Variants in SHROOM3 observed in about 807,000 individuals in gnomAD.
SHROOM3 encodes shroom family member 3.
SHROOM3 carries 47 observed loss-of-function variants against 138.6 expected under a neutral mutation model. That is an observed-to-expected ratio of 0.34 (90% CI 0.27 to 0.43). The LOEUF is 0.43. SHROOM3 is among the 20% of genes least tolerant of loss of function. SHROOM3 has a pLI of 1.00. For missense variants in SHROOM3, 2,491 were observed against 2,596.5 expected, an observed-to-expected ratio of 0.96 and a Z score of 0.88; for synonymous variants, 1,062 against 1,063.3, an observed-to-expected ratio of 1.00 and a Z score of 0.02.
intron 2 of SHROOM3, among the ~76,000 whole-genome samples, chr4:76,596,251 A>G (rs960029695): frequency 2.0e-5 from 3 of 152,148 alleles, no homozygotes; most frequent in African/African-American, 7.2e-5. Context: ...ACATTTTCAT[A>G]TGAAAAAATA....
rs1036305031 is a variant in SHROOM3 at position 76,664,911 on chromosome 4, T to C, written c.324-45245T>C. ...TTTGCCTGTAATCCTAGCACTTTGGTAGGCCGAGGTGGGCAGATCACTTGA... is the reference window on the plus strand; with the variant it reads ...TTTGCCTGTAATCCTAGCACTTTGGCAGGCCGAGGTGGGCAGATCACTTGA... On this transcript the variant is annotated intron_variant, in intron 2 of 10. Coordinates refer to ENST00000296043, the MANE Select transcript of SHROOM3 (RefSeq NM_020859.4). This position sits in a 1 kb window ranked among gnomAD's most constrained non-coding sequence, Gnocchi z 4.2. Among the ~76,000 whole-genome samples the C allele has an allele frequency of 2.6e-5, 4 of 151,998 alleles. No individual in the cohort carries two copies. Among genetic ancestry groups the C allele is most frequent in the African/African-American group, 9.7e-5 (4 of 41,390 alleles).
At chr4:76,558,100 A>G (rs1306967195) in intron 2 of SHROOM3, among the ~76,000 whole-genome samples, 7 of 152,218 alleles carry the variant, frequency 4.6e-5, no homozygotes, top group African/African-American at 1.7e-4. Context: ...ATGTGTTTCA[A>G]CATGACTGTG....
chr4:76,557,791 A>G (rs1733517707), intron 2 of SHROOM3, among the ~76,000 whole-genome samples: 1 of 152,344 alleles, frequency 6.6e-6, no homozygotes, highest in South Asian at 2.1e-4. Flanking sequence ...TGGAAAGATT[A>G]GATGAAACAC....
chr4:76,689,595 C>A, intron 2 of SHROOM3: 1 of 985,084 alleles, frequency 1.0e-6, no homozygotes, highest in Middle Eastern at 5.2e-4. Context: ...TGGGCCCCGC[C>A]GGCGATGCCG....
intron 2 of SHROOM3, among the ~76,000 whole-genome samples, chr4:76,584,795 G>A (rs917073162): frequency 6.6e-6 from 1 of 152,132 alleles, no homozygotes; most frequent in African/African-American, 2.4e-5. Flanking sequence ...TTTTGGGGAG[G>A]TTGCATGGTG....
intron 1 of SHROOM3, among the ~76,000 whole-genome samples, chr4:76,444,702 G>A (rs1174113367): frequency 2.6e-5 from 4 of 151,450 alleles, no homozygotes; most frequent in Admixed American, 2.0e-4. Context: ...CACCATATTG[G>A]TCAGGCTGGT....
At chr4:76,630,049 C>T (rs748085671) in intron 2 of SHROOM3, among the ~76,000 whole-genome samples, 2 of 150,770 alleles carry the variant, frequency 1.3e-5, no homozygotes, top group African/African-American at 2.5e-5. Flanking sequence ...CCAAGTTGAT[C>T]TTGACTTTTA....
At chr4:76,536,024 A>G (rs565772536) in intron 1 of SHROOM3, among the ~76,000 whole-genome samples, 11 of 152,382 alleles carry the variant, frequency 7.2e-5, no homozygotes, top group African/African-American at 2.6e-4. Flanking sequence ...TTTCTCAGGC[A>G]TCTGAGCGAG....
chr4:76,674,337 C>T (rs1028093126), intron 2 of SHROOM3, among the ~76,000 whole-genome samples: 1 of 151,988 alleles, frequency 6.6e-6, no homozygotes, highest in Non-Finnish European at 1.5e-5. Flanking sequence ...GGTTATTTAT[C>T]TTTTCTTCTC....
intron 5 of SHROOM3, among the ~76,000 whole-genome samples, chr4:76,746,522 G>A (rs542600832): frequency 6.6e-6 from 1 of 152,160 alleles, no homozygotes; most frequent in East Asian, 1.9e-4. Flanking sequence ...GTTTCTGTAA[G>A]CACACTCTAT....
chr4:76,491,459 C>T (rs1731847919), intron 1 of SHROOM3, among the ~76,000 whole-genome samples: 1 of 152,194 alleles, frequency 6.6e-6, no homozygotes, highest in Non-Finnish European at 1.5e-5. Context: ...CTTTCCTAGA[C>T]TCCCTTGCAT....
rs149772846 is a variant in SHROOM3 at position 76,765,025 on chromosome 4, C to T, written c.5349+5330C>T. On this transcript the variant is annotated intron_variant, in intron 9 of 10. Coordinates refer to ENST00000296043, the MANE Select transcript of SHROOM3 (RefSeq NM_020859.4). ...AAGCTCCATTCATTTTTTTTTAAATCTGTTTTCTTTCAGTCCTTCAGATTG... is the reference window on the plus strand; with the variant it reads ...AAGCTCCATTCATTTTTTTTTAAATTTGTTTTCTTTCAGTCCTTCAGATTG... Among the ~76,000 whole-genome samples the T allele has an allele frequency of 2.2e-3, 338 of 151,684 alleles. 3 individuals are homozygous for T. The highest frequency in any genetic ancestry group is 8.0e-3 in the African/African-American group (329 of 41,366).
chr4:76,711,399 A>C (rs1720224686), intron 3 of SHROOM3, among the ~76,000 whole-genome samples: 1 of 152,230 alleles, frequency 6.6e-6, no homozygotes, highest in Non-Finnish European at 1.5e-5. Context: ...TCTTGATTTC[A>C]GTTTGGGAAG....
At chr4:76,488,892 G>A (rs1032550495) in intron 1 of SHROOM3, among the ~76,000 whole-genome samples, 15 of 152,324 alleles carry the variant, frequency 9.8e-5, no homozygotes, top group African/African-American at 3.1e-4. Context: ...AGGAATTAGG[G>A]CACAAATAGG....
chr4:76,735,809 C>T (rs1471508946), intron 4 of SHROOM3, among the ~76,000 whole-genome samples: 14 of 132,980 alleles, frequency 1.1e-4, no homozygotes, highest in African/African-American at 4.1e-4. Context: ...CACTGCACTC[C>T]GTCCTGGGCG....
chr4:76,613,656 G>A (rs1019748978), intron 2 of SHROOM3, among the ~76,000 whole-genome samples: 2 of 152,110 alleles, frequency 1.3e-5, no homozygotes, highest in East Asian at 1.9e-4. Flanking sequence ...ACTTCCATTC[G>A]ACTCCTCTTG....
At chr4:76,719,132 A>C (rs1720463681) in intron 3 of SHROOM3, among the ~76,000 whole-genome samples, 1 of 152,076 alleles carries the variant, frequency 6.6e-6, no homozygotes, top group African/African-American at 2.4e-5. Flanking sequence ...AAGCTATAGT[A>C]ATTCAGGGGC....
At chr4:76,471,595 G>A (rs1731374621) in intron 1 of SHROOM3, among the ~76,000 whole-genome samples, 1 of 152,162 alleles carries the variant, frequency 6.6e-6, no homozygotes, top group Admixed American at 6.5e-5. Context: ...AAATCTAAAA[G>A]CAGGGACATT....
intron 1 of SHROOM3, among the ~76,000 whole-genome samples, chr4:76,438,599 C>G (rs1198288157): frequency 6.6e-6 from 1 of 152,238 alleles, no homozygotes; most frequent in Non-Finnish European, 1.5e-5. Context: ...TTCTTCTTCT[C>G]TCTGAGGTTT....
Sources: allele counts gnomAD v4.1 joint callset (sites outside exome capture counted in the v4.1 genomes callset), GRCh38; gene constraint gnomAD v4.1.1; non-coding constraint Gnocchi (gnomAD v3.1); transcripts MANE v1.5; gene names NCBI Gene and HGNC (gene_info 2026-07-23, HGNC 2026-07-21).